PDE1A: variants seen among roughly 807,000 people sequenced by gnomAD.
PDE1A encodes dual specificity calcium/calmodulin-dependent 3',5'-cyclic nucleotide phosphodiesterase 1A.
PDE1A carries 35 observed loss-of-function variants against 61.7 expected under a neutral mutation model. That is an observed-to-expected ratio of 0.57 (90% CI 0.43 to 0.75). The LOEUF (loss-of-function observed/expected upper bound fraction) is 0.75. Ranked by LOEUF, PDE1A falls within the 30% of genes least tolerant of loss-of-function variation. PDE1A has a pLI of 0.00. For synonymous variants in PDE1A, 232 were observed against 213.2 expected (o/e 1.09, Z -0.77); for missense variants, 597 against 630.6 (o/e 0.95, Z 0.57).
chr2:182,663,334 A>C, the PDE1A span, among the ~76,000 whole-genome samples: 911 of 152,304 alleles, frequency 6.0e-3, 12 homozygotes, highest in African/African-American at 0.021. Context: ...TATATACCCA[A>C]AGGAATATAA....
the PDE1A span, among the ~76,000 whole-genome samples, chr2:182,650,081 T>C: frequency 6.6e-6 from 1 of 151,844 alleles, no homozygotes; most frequent in Admixed American, 6.6e-5. Flanking sequence ...AGCGAGACTC[T>C]CTCTCCAAAA....
At chr2:182,437,699 A>C (rs533033130) in intron 2 of PDE1A, among the ~76,000 whole-genome samples, 1 of 152,074 alleles carries the variant, frequency 6.6e-6, no homozygotes, top group African/African-American at 2.4e-5. Context: ...ACCAGAGTCC[A>C]CAGAATTAAT....
At chr2:182,651,300 C>A in the PDE1A span, among the ~76,000 whole-genome samples, 5 of 152,176 alleles carry the variant, frequency 3.3e-5, no homozygotes. Context: ...AGCCACCACA[C>A]CTGGCCTTGT....
chr2:182,386,301 C>T (rs936735550), intron 1 of PDE1A, among the ~76,000 whole-genome samples: 8 of 151,384 alleles, frequency 5.3e-5, no homozygotes, highest in African/African-American at 1.2e-4. Context: ...TCTGCTTGGC[C>T]GCCCATCATC....
intron 1 of PDE1A, among the ~76,000 whole-genome samples, chr2:182,360,456 T>C (rs1246610109): frequency 1.3e-5 from 2 of 151,726 alleles, no homozygotes; most frequent in Non-Finnish European, 2.9e-5. Flanking sequence ...ACACTCTGAA[T>C]TGCAAGACCA....
At chr2:182,582,973 G>T in the PDE1A span, among the ~76,000 whole-genome samples, 1 of 152,034 alleles carries the variant, frequency 6.6e-6, no homozygotes, top group Non-Finnish European at 1.5e-5. Flanking sequence ...TCCTTTTTGC[G>T]CTTGAACCAG....
chr2:182,473,639 C>T (rs1243823013), intron 2 of PDE1A, among the ~76,000 whole-genome samples: 2 of 151,860 alleles, frequency 1.3e-5, no homozygotes, highest in South Asian at 4.1e-4. Flanking sequence ...TCACCCTCCT[C>T]CTACCTTCCA....
chr2:182,186,409 G>C, intron 12 of PDE1A, 59 bp downstream of exon 12: 1 of 1,557,992 alleles, frequency 6.4e-7, no homozygotes, highest in East Asian at 2.2e-5. Context: ...TAATCATTAA[G>C]GAAAGTGTTA....
intron 1 of PDE1A, among the ~76,000 whole-genome samples, chr2:182,338,193 G>A (rs947513693): frequency 7.2e-5 from 11 of 152,294 alleles, no homozygotes; most frequent in African/African-American, 2.2e-4. Context: ...GGATGCTGGA[G>A]CTGGCAGCAC....
chr2:182,194,977 A>T (rs555860066), intron 10 of PDE1A, among the ~76,000 whole-genome samples: 4 of 141,112 alleles, frequency 2.8e-5, no homozygotes, highest in Non-Finnish European at 6.1e-5. Flanking sequence ...TTCCTTTGCT[A>T]CTTTTCTGAT....
intron 1 of PDE1A, among the ~76,000 whole-genome samples, chr2:182,332,034 G>A (rs1697445900): frequency 6.6e-6 from 1 of 151,890 alleles, no homozygotes; most frequent in Non-Finnish European, 1.5e-5. Context: ...TTTCTTGGCG[G>A]GTTTGTTCAT....
intron 2 of PDE1A, among the ~76,000 whole-genome samples, chr2:182,470,711 T>G (rs909747904): frequency 6.6e-6 from 1 of 151,656 alleles, no homozygotes; most frequent in Admixed American, 6.6e-5. Flanking sequence ...GAAATGAGGG[T>G]AGATGCAAGA....
At chr2:182,455,969 G>T (rs1465783333) in intron 2 of PDE1A, among the ~76,000 whole-genome samples, 1 of 151,442 alleles carries the variant, frequency 6.6e-6, no homozygotes, top group Non-Finnish European at 1.5e-5. Context: ...TGTGTGTGCT[G>T]ACTGTTCAAA....
At chr2:182,645,328 T>C in the PDE1A span, among the ~76,000 whole-genome samples, 7 of 152,236 alleles carry the variant, frequency 4.6e-5, no homozygotes, top group African/African-American at 1.7e-4. Flanking sequence ...TGTTTTAATA[T>C]AAATATTCCG....
At chr2:182,212,090 G>C (rs540966149) in intron 7 of PDE1A, among the ~76,000 whole-genome samples, 10 of 152,082 alleles carry the variant, frequency 6.6e-5, no homozygotes, top group African/African-American at 2.4e-4. Context: ...CACAATCTTA[G>C]TGGGAAAGCT....
intron 1 of PDE1A, among the ~76,000 whole-genome samples, chr2:182,421,290 G>A (rs1703264256): frequency 6.6e-6 from 1 of 152,202 alleles, no homozygotes; most frequent in East Asian, 1.9e-4. Flanking sequence ...AAATGTACAT[G>A]TCATCAAGCT....
intron 13 of PDE1A, among the ~76,000 whole-genome samples, chr2:182,160,876 A>T (rs1054275771): frequency 9.2e-5 from 14 of 152,166 alleles, no homozygotes; most frequent in African/African-American, 3.1e-4. Flanking sequence ...TCTTAAAAGG[A>T]ATTTCCTTAA....
chr2:182,264,672 T>C (rs187495476), intron 1 of PDE1A, among the ~76,000 whole-genome samples: 3 of 151,680 alleles, frequency 2.0e-5, no homozygotes, highest in East Asian at 1.9e-4. Context: ...ATTTCAGAGA[T>C]AGTCTTCCTG....
chr2:182,711,260 G>C, the PDE1A span, among the ~76,000 whole-genome samples: 1 of 152,142 alleles, frequency 6.6e-6, no homozygotes, highest in Non-Finnish European at 1.5e-5. Context: ...TCACACAGGG[G>C]ATGATGGGGA....
Sources: gnomAD v4.1 joint callset for allele counts (sites outside exome capture counted in the v4.1 genomes callset) on GRCh38, gnomAD v4.1.1 for gene constraint, MANE v1.5 for transcripts, NCBI Gene and HGNC (gene_info 2026-07-23, HGNC 2026-07-21) for gene names.